RORA: variants seen among roughly 807,000 people sequenced by gnomAD.
RORA encodes nuclear receptor ROR-alpha.
In RORA, 7 loss-of-function variants were observed where a neutral mutation model predicts 69.5. That is an observed-to-expected ratio of 0.10 (90% CI 0.06 to 0.19). The LOEUF is 0.19. Among genes scored for constraint, RORA ranks in the 10% least tolerant of loss-of-function variants. The pLI is 1.00. For missense variants in RORA, 457 were observed against 663.0 expected, an observed-to-expected ratio of 0.69 and a Z score of 3.41; for synonymous variants, 261 against 240.8, an observed-to-expected ratio of 1.08 and a Z score of -0.78.
intron 1 of RORA, among the ~76,000 whole-genome samples, chr15:60,828,054 T>A (rs548245465): frequency 3.4e-4 from 51 of 151,900 alleles, no homozygotes; most frequent in Middle Eastern, 3.4e-3. Context: ...TTGAAGAGGG[T>A]CACTAGGGTG....
chr15:60,495,962 C>A lies in RORA; in HGVS notation c.*1493G>T, dbSNP rs977390545. On this transcript the variant is annotated 3_prime_UTR_variant, in exon 11 of 11. Coordinates refer to ENST00000335670, the MANE Select transcript of RORA (RefSeq NM_134261.3). Reference sequence around the variant, plus strand: ...AATATTTAATAAAATAAATTACAGTCCACAGTTTCCTAGTGAAGATAAATA... The same window carrying A: ...AATATTTAATAAAATAAATTACAGTACACAGTTTCCTAGTGAAGATAAATA... 2 of 151,892 alleles carry A rather than the reference C, an allele frequency of 1.3e-5. No individual in the cohort carries two copies. The highest frequency in any genetic ancestry group is 2.4e-5 in the African/African-American group (1 of 41,352). 9.4% of individuals were successfully genotyped at this position (151,892 alleles called of 1,614,324 possible). A position where few individuals can be genotyped will look rare whatever the true frequency, so the allele number is the denominator to read the frequency against.
intron 2 of RORA, among the ~76,000 whole-genome samples, chr15:60,547,078 A>T (rs975879699): frequency 3.9e-5 from 6 of 152,174 alleles, no homozygotes; most frequent in African/African-American, 1.2e-4. Flanking sequence ...GTGGTGGATG[A>T]TAGCCTTCGA....
At chr15:60,521,761 G>T (rs1477215531) in intron 3 of RORA, among the ~76,000 whole-genome samples, 1 of 152,084 alleles carries the variant, frequency 6.6e-6, no homozygotes, top group Admixed American at 6.5e-5. Context: ...CTTCTTCATT[G>T]TGGGACAAAC....
intron 1 of RORA, among the ~76,000 whole-genome samples, chr15:61,142,681 AG>A (rs1414816448): frequency 6.6e-6 from 1 of 152,250 alleles, no homozygotes; most frequent in Non-Finnish European, 1.5e-5. Flanking sequence ...AGCTTATTAA[AG>A]GGATACCAGG....
intron 1 of RORA, among the ~76,000 whole-genome samples, chr15:60,784,325 G>C (rs920425174): frequency 6.6e-6 from 1 of 152,176 alleles, no homozygotes; most frequent in Admixed American, 6.5e-5. Context: ...AAATCATACT[G>C]CTTCATTAAG....
At chr15:60,999,262 C>T (rs774666560) in intron 1 of RORA, among the ~76,000 whole-genome samples, 4 of 152,142 alleles carry the variant, frequency 2.6e-5, no homozygotes, top group Non-Finnish European at 4.4e-5. Context: ...TCACGGCATA[C>T]GGAGCCCTGA....
At chr15:60,653,109 A>G (rs2070168673) in intron 2 of RORA, among the ~76,000 whole-genome samples, 1 of 152,208 alleles carries the variant, frequency 6.6e-6, no homozygotes. Flanking sequence ...TCTACAGGTT[A>G]TGAACCACTT....
intron 2 of RORA, among the ~76,000 whole-genome samples, chr15:60,606,299 G>T (rs745678422): frequency 2.0e-5 from 3 of 152,144 alleles, no homozygotes; most frequent in African/African-American, 4.8e-5. Context: ...GAATTAAAGG[G>T]CTCCTAATTA....
intron 1 of RORA, among the ~76,000 whole-genome samples, chr15:61,175,361 C>T (rs1024179912): frequency 1.3e-5 from 2 of 151,780 alleles, no homozygotes; most frequent in Non-Finnish European, 2.9e-5. Flanking sequence ...TGAGATTTTA[C>T]AAAACACAAG....
chr15:60,670,461 C>T (rs932382876), intron 2 of RORA, among the ~76,000 whole-genome samples: 9 of 152,106 alleles, frequency 5.9e-5, no homozygotes, highest in Non-Finnish European at 7.4e-5. Flanking sequence ...CCGCCCGTCT[C>T]GGCCTCCCAA....
chr15:60,829,316 CG>C, intron 1 of RORA, among the ~76,000 whole-genome samples: 1 of 152,250 alleles, frequency 6.6e-6, no homozygotes, highest in Middle Eastern at 3.4e-3. Flanking sequence ...TACATCTCAC[CG>C]GGATGGACGA....
chr15:61,052,441 C>T (rs1293569418), intron 1 of RORA, among the ~76,000 whole-genome samples: 6 of 152,176 alleles, frequency 3.9e-5, no homozygotes. Flanking sequence ...ACTGCTTTCG[C>T]GTAGTGGTTC....
chr15:60,858,980 CT>C (rs10707424), intron 1 of RORA, among the ~76,000 whole-genome samples: 45,690 of 145,620 alleles, frequency 0.31, 7,146 homozygotes, highest in African/African-American at 0.36. Context: ...TAGGCTTCAT[CT>C]TTTTTTTTTT....
At chr15:61,059,923 G>GAAGAAGAAC (rs2078149759) in intron 1 of RORA, among the ~76,000 whole-genome samples, 1 of 134,448 alleles carries the variant, frequency 7.4e-6, no homozygotes, top group African/African-American at 2.8e-5. Context: ...AGAAGAAGAA[G>GAAGAAGAAC]AAGAAGAAGA....
In RORA at chr15:60,516,182, TA is replaced by T. The variant is rs1195950141; in HGVS notation, c.283-1426del. On this transcript the variant is annotated intron_variant, in intron 3 of 10. Coordinates refer to ENST00000335670, the MANE Select transcript of RORA (RefSeq NM_134261.3). The stretch of plus-strand genomic sequence containing the variant: ...ATATTTATATATATATTTATATATA[TA>T]TTTATATATATATTTATATATATAT... Among the ~76,000 whole-genome samples the T allele has an allele frequency of 2.7e-3, 80 of 29,712 alleles. 3 individuals carry two copies. The highest frequency in any genetic ancestry group is 0.016 in the African/African-American group (79 of 4,976). The allele number at this position is 29,712 out of a possible 152,430, so 19.5% of individuals were successfully genotyped here. A position where few individuals can be genotyped will look rare whatever the true frequency, so the allele number is the denominator to read the frequency against.
intron 1 of RORA, among the ~76,000 whole-genome samples, chr15:60,690,715 A>C (rs1198546943): frequency 6.6e-6 from 1 of 152,186 alleles, no homozygotes; most frequent in Non-Finnish European, 1.5e-5. Flanking sequence ...GCAAACTGGG[A>C]CTCAGAGGGA....
chr15:60,516,977 T>C (rs1041752666), intron 3 of RORA, among the ~76,000 whole-genome samples: 1 of 152,144 alleles, frequency 6.6e-6, no homozygotes, highest in African/African-American at 2.4e-5. Flanking sequence ...AAACATAGTA[T>C]AATCCAAGTT....
Position 61,071,136 on chromosome 15 carries a change from A to G in RORA, c.166+157917T>C, listed in dbSNP as rs567412780. On this transcript the variant is annotated intron_variant, in intron 1 of 10. Coordinates refer to ENST00000335670, the MANE Select transcript of RORA (RefSeq NM_134261.3). Reference sequence around the variant, plus strand: ...TATGTAGCACTAACCAATATTACCAATATGAGGTTGTTTCTAAGTCAAAGC... The same window carrying G: ...TATGTAGCACTAACCAATATTACCAGTATGAGGTTGTTTCTAAGTCAAAGC... Among the ~76,000 whole-genome samples the G allele has an allele frequency of 1.9e-3, 267 of 144,102 alleles. 1 individual carries two copies. Among genetic ancestry groups the G allele is most frequent in the Non-Finnish European group, 3.3e-3 (222 of 66,450 alleles). The allele number at this position is 144,102 out of a possible 152,430, so 94.5% of individuals were successfully genotyped here.
At chr15:60,777,065 T>C (rs1008391619) in intron 1 of RORA, among the ~76,000 whole-genome samples, 1 of 152,200 alleles carries the variant, frequency 6.6e-6, no homozygotes, top group African/African-American at 2.4e-5. Flanking sequence ...AAATATTTAC[T>C]AAATAAATGA....
Sources: allele counts gnomAD v4.1 joint callset (sites outside exome capture counted in the v4.1 genomes callset), GRCh38; gene constraint gnomAD v4.1.1; transcripts MANE v1.5; gene names NCBI Gene and HGNC (gene_info 2026-07-23, HGNC 2026-07-21).